The following ZFHX3 variants were observed in gnomAD, a reference collection of about 807,000 sequenced individuals.
The protein encoded by ZFHX3 is zinc finger homeobox protein 3.
Under a neutral mutation model 279.1 loss-of-function variants are expected in ZFHX3, and 42 were observed. The ratio of observed to expected loss-of-function variants is 0.15; its 90% CI spans 0.12 to 0.19. The LOEUF is 0.19. ZFHX3 is among the 10% of genes least tolerant of loss of function. The pLI, the probability that ZFHX3 is intolerant of heterozygous loss-of-function variation, is 1.00. For missense variants in ZFHX3, 4,981 were observed against 4,754.0 expected, an observed-to-expected ratio of 1.05 and a Z score of -1.40; for synonymous variants, 2,293 against 1,957.8, an observed-to-expected ratio of 1.17 and a Z score of -4.52.
intron 1 of ZFHX3, among the ~76,000 whole-genome samples, chr16:73,841,558 C>G (rs540571163): frequency 6.6e-5 from 10 of 152,230 alleles, no homozygotes; most frequent in African/African-American, 2.4e-4. Context: ...GGGCACCTAG[C>G]AACCAGGCAG....
intron 1 of ZFHX3, among the ~76,000 whole-genome samples, chr16:73,849,492 A>C (rs1320188361): frequency 6.6e-6 from 1 of 152,214 alleles, no homozygotes; most frequent in Non-Finnish European, 1.5e-5. Context: ...ATTTTAAAAA[A>C]GGATAACAGG....
chr16:73,518,661 A>G (rs1401080787), intron 2 of ZFHX3, among the ~76,000 whole-genome samples: 1 of 152,188 alleles, frequency 6.6e-6, no homozygotes, highest in African/African-American at 2.4e-5. Context: ...CTCCTCTAAT[A>G]ACAATTTTGA....
At chr16:73,233,628 C>T (rs895676573) in intron 5 of ZFHX3, among the ~76,000 whole-genome samples, 1 of 152,222 alleles carries the variant, frequency 6.6e-6, no homozygotes, top group Non-Finnish European at 1.5e-5. Flanking sequence ...GATTCCTCTT[C>T]TGTTGTCACC....
chr16:73,465,481 T>C (rs2018551388), intron 2 of ZFHX3, among the ~76,000 whole-genome samples: 1 of 151,972 alleles, frequency 6.6e-6, no homozygotes, highest in Non-Finnish European at 1.5e-5. Flanking sequence ...GCCTCTGAGG[T>C]CTCACTGGAG....
chr16:72,807,303 G>T (rs562376917), intron 7 of ZFHX3: 1 of 152,188 alleles, frequency 6.6e-6, no homozygotes, highest in African/African-American at 2.4e-5. Flanking sequence ...TTGATATGAC[G>T]TGTGCAGAGG....
intron 7 of ZFHX3, 52 bp downstream of exon 7, chr16:72,811,525 T>C (rs1344282731): frequency 4.7e-6 from 7 of 1,477,262 alleles, no homozygotes; most frequent in African/African-American, 1.4e-5. Flanking sequence ...TGTTACTGCA[T>C]CACCTTTGAC....
intron 7 of ZFHX3, among the ~76,000 whole-genome samples, chr16:72,803,532 C>T (rs957599964): frequency 6.6e-6 from 1 of 152,168 alleles, no homozygotes; most frequent in African/African-American, 2.4e-5. Flanking sequence ...GAACAATATA[C>T]ATGCTTTCTC....
intron 1 of ZFHX3, among the ~76,000 whole-genome samples, chr16:73,784,816 T>C (rs11150087): frequency 0.11 from 14,810 of 135,456 alleles, 2,636 homozygotes; most frequent in African/African-American, 0.38. Context: ...TATATATATA[T>C]ACACACACAC....
chr16:73,256,061 A>G (rs2013654367), intron 5 of ZFHX3, among the ~76,000 whole-genome samples: 3 of 152,230 alleles, frequency 2.0e-5, no homozygotes, highest in Non-Finnish European at 4.4e-5. Flanking sequence ...ATTGCAAATT[A>G]GGAGGCGATG....
At chr16:72,857,841 T>C (rs2037791129) in intron 4 of ZFHX3, among the ~76,000 whole-genome samples, 1 of 152,246 alleles carries the variant, frequency 6.6e-6, no homozygotes, top group Non-Finnish European at 1.5e-5. Context: ...GAAGGTTGTA[T>C]AATTCATGCC....
intron 4 of ZFHX3, among the ~76,000 whole-genome samples, chr16:72,859,325 G>A (rs936568334): frequency 1.4e-4 from 22 of 152,168 alleles, no homozygotes; most frequent in Non-Finnish European, 1.9e-4. Context: ...AAGTTCTCTG[G>A]ATTCCATTCT....
chr16:72,792,438 C>T (rs1465691795), intron 9 of ZFHX3, among the ~76,000 whole-genome samples: 1 of 152,080 alleles, frequency 6.6e-6, no homozygotes, highest in Admixed American at 6.6e-5. Context: ...GGATCTACCA[C>T]ATAAGACCTT....
intron 4 of ZFHX3, among the ~76,000 whole-genome samples, chr16:73,299,458 C>A (rs1254507438): frequency 6.6e-6 from 1 of 152,162 alleles, no homozygotes; most frequent in African/African-American, 2.4e-5. Context: ...ACTGGGGAAG[C>A]AGGGGTTAAC....
At chr16:73,195,675 T>C (rs769078042) in intron 5 of ZFHX3, among the ~76,000 whole-genome samples, 1 of 152,104 alleles carries the variant, frequency 6.6e-6, no homozygotes, top group African/African-American at 2.4e-5. Flanking sequence ...CCTTGGCCTT[T>C]CAAAGTGCTG....
chr16:73,011,907 AG>A (rs2144625323), intron 1 of ZFHX3, among the ~76,000 whole-genome samples: 1 of 152,280 alleles, frequency 6.6e-6, no homozygotes, highest in Admixed American at 6.5e-5. Flanking sequence ...CTGGGGCACC[AG>A]GTAAGTTTCT....
intron 5 of ZFHX3, among the ~76,000 whole-genome samples, chr16:73,181,207 T>G (rs1391135463): frequency 2.0e-5 from 3 of 151,994 alleles, no homozygotes; most frequent in Non-Finnish European, 2.9e-5. Context: ...TTCAAGCGAT[T>G]CTCCTGCCTC....
rs572131145 is a variant in ZFHX3 at position 73,138,905 on chromosome 16, G to C, written c.-1024+4847C>G. On this transcript the variant is annotated intron_variant, in intron 6 of 17. Transcript: ENST00000641206. ...AGAGTCTCACTGTGTTGCCCAGCCCGGTCTCAAACTCCTAGGCTTACGCAA... is the reference window on the plus strand; with the variant it reads ...AGAGTCTCACTGTGTTGCCCAGCCCCGTCTCAAACTCCTAGGCTTACGCAA... 2.0e-5 allele frequency among the ~76,000 whole-genome samples: 3 copies of C among 152,220 alleles called. No individual in the cohort carries two copies. In the East Asian group the frequency reaches 5.8e-4, roughly 29 times the overall value.
chr16:73,449,022 C>T (rs550106938), intron 3 of ZFHX3, among the ~76,000 whole-genome samples: 8 of 152,232 alleles, frequency 5.3e-5, no homozygotes, highest in Admixed American at 3.3e-4. Context: ...TAGTCAGGTT[C>T]ATGTTTGAAT....
chr16:73,641,194 A>C (rs1245333038), intron 2 of ZFHX3, among the ~76,000 whole-genome samples: 1 of 152,208 alleles, frequency 6.6e-6, no homozygotes, highest in Non-Finnish European at 1.5e-5. Context: ...CTACCAGTGA[A>C]GTATGCTAAC....
Sources: allele counts gnomAD v4.1 joint callset (sites outside exome capture counted in the v4.1 genomes callset), GRCh38; gene constraint gnomAD v4.1.1; transcripts MANE v1.5; gene names NCBI Gene and HGNC (gene_info 2026-07-23, HGNC 2026-07-21).